Variants in SCMH1 observed in about 807,000 individuals in gnomAD.
SCMH1 encodes the protein Scm polycomb group protein homolog 1, also known as polycomb protein SCMH1.
Under a neutral mutation model 70.8 loss-of-function variants are expected in SCMH1, and 37 were observed. The observed-to-expected ratio is 0.52, with a 90% CI of 0.40 to 0.69. SCMH1 has a LOEUF of 0.69. Ranked by LOEUF, SCMH1 falls within the 30% of genes least tolerant of loss-of-function variation. SCMH1 has a pLI of 0.00. For missense variants in SCMH1, 607 were observed against 827.3 expected, an observed-to-expected ratio of 0.73 and a Z score of 3.27; for synonymous variants, 292 against 307.4, an observed-to-expected ratio of 0.95 and a Z score of 0.52.
chr1:41,195,499 T>C (rs1386211503), intron 1 of SCMH1, among the ~76,000 whole-genome samples: 1 of 151,096 alleles, frequency 6.6e-6, no homozygotes, highest in Non-Finnish European at 1.5e-5. Context: ...GAGAAAGCAT[T>C]TGACAAAATT....
intron 1 of SCMH1, among the ~76,000 whole-genome samples, chr1:41,209,743 A>G (rs1656533106): frequency 6.6e-6 from 1 of 152,208 alleles, no homozygotes; most frequent in African/African-American, 2.4e-5. Flanking sequence ...ATTTATGACA[A>G]ACCCACAGCC....
intron 4 of SCMH1, among the ~76,000 whole-genome samples, chr1:41,155,345 T>C (rs1302137123): frequency 6.6e-6 from 1 of 152,208 alleles, no homozygotes; most frequent in Non-Finnish European, 1.5e-5. Context: ...ACCTAGTATA[T>C]GTTAAGCCTG....
At chr1:41,050,045 C>T (rs570232476) in intron 10 of SCMH1, among the ~76,000 whole-genome samples, 1 of 151,888 alleles carries the variant, frequency 6.6e-6, no homozygotes, top group Non-Finnish European at 1.5e-5. Flanking sequence ...GACAGAGACT[C>T]CGTCTTTAAA....
At chr1:41,213,040 T>C (rs890893376) in intron 1 of SCMH1, among the ~76,000 whole-genome samples, 22 of 151,824 alleles carry the variant, frequency 1.4e-4, no homozygotes, top group Non-Finnish European at 3.1e-4. Context: ...CAAATAAGAG[T>C]GTAGGAACAC....
chr1:41,229,740 T>TAA (rs900990472), intron 1 of SCMH1, among the ~76,000 whole-genome samples: 1 of 149,272 alleles, frequency 6.7e-6, no homozygotes, highest in African/African-American at 2.5e-5. Context: ...AAAGTATAAT[T>TAA]AAAAAAAAAA....
chr1:41,079,647 T>C (rs1330794388), intron 8 of SCMH1, among the ~76,000 whole-genome samples: 1 of 152,080 alleles, frequency 6.6e-6, no homozygotes, highest in East Asian at 1.9e-4. Flanking sequence ...AAAATTGAGA[T>C]AAAATGTCAC....
intron 10 of SCMH1, among the ~76,000 whole-genome samples, chr1:41,064,166 C>A (rs1395149996): frequency 2.6e-5 from 4 of 152,028 alleles, no homozygotes; most frequent in Non-Finnish European, 4.4e-5. Context: ...TCGATAGATG[C>A]AGAAAAAGGA....
Position 41,028,547 on chromosome 1 carries a change from A to G in SCMH1, c.1821+37T>C, listed in dbSNP as rs200377184. 1.9e-5 allele frequency: 30 copies of G among 1,612,944 alleles called. No homozygotes were observed. In the African/African-American group the frequency reaches 3.5e-4, roughly 19 times the overall value. ...GTCCCCACCAGGTGAGGCTCTCCAC[A>G]CAGGTTCCTACTGAGAGGTCAGGCA... On this transcript the variant is annotated intron_variant, in intron 14 of 14. Coordinates refer to ENST00000337495, the Ensembl canonical transcript of SCMH1.
chr1:41,072,577 T>G (rs751223815), intron 9 of SCMH1, among the ~76,000 whole-genome samples: 1 of 152,086 alleles, frequency 6.6e-6, no homozygotes, highest in Non-Finnish European at 1.5e-5. Context: ...AAAAGAGATA[T>G]AAAGCCAGCC....
intron 2 of SCMH1, among the ~76,000 whole-genome samples, chr1:41,178,695 C>T (rs376547414): frequency 1.3e-5 from 2 of 152,172 alleles, no homozygotes; most frequent in African/African-American, 2.4e-5. Context: ...CTATCCTAAA[C>T]ATATATGCAC....
At chr1:41,042,516 G>C (rs1182068384) in intron 12 of SCMH1, among the ~76,000 whole-genome samples, 1 of 152,104 alleles carries the variant, frequency 6.6e-6, no homozygotes, top group African/African-American at 2.4e-5. Flanking sequence ...AAAGTGCTGG[G>C]ATTACAGGCA....
intron 10 of SCMH1, among the ~76,000 whole-genome samples, chr1:41,065,067 C>G (rs1450409624): frequency 1.3e-5 from 2 of 152,100 alleles, no homozygotes; most frequent in Non-Finnish European, 2.9e-5. Context: ...ACTAAGTAAA[C>G]AGATATTTTG....
chr1:41,104,103 G>A (rs775206485), intron 8 of SCMH1, among the ~76,000 whole-genome samples: 2 of 152,154 alleles, frequency 1.3e-5, no homozygotes, highest in Non-Finnish European at 2.9e-5. Flanking sequence ...TGATTCAGAT[G>A]CAACTAACGC....
chr1:41,176,076 G>C (rs1246254654), intron 2 of SCMH1, among the ~76,000 whole-genome samples: 2 of 150,930 alleles, frequency 1.3e-5, no homozygotes, highest in African/African-American at 4.9e-5. Flanking sequence ...ATAGAAACCA[G>C]GCTGAAAGAT....
At chr1:41,067,578 A>G (rs79654874) in intron 10 of SCMH1, among the ~76,000 whole-genome samples, 2,032 of 152,228 alleles carry the variant, frequency 0.013, 46 homozygotes, top group African/African-American at 0.047. Context: ...TATGATTTCA[A>G]CTATGTGACA....
chr1:41,148,122 A>C (rs1644748175), intron 5 of SCMH1, among the ~76,000 whole-genome samples: 1 of 152,124 alleles, frequency 6.6e-6, no homozygotes, highest in African/African-American at 2.4e-5. Flanking sequence ...ACCACAGTCT[A>C]CCTTATCAAG....
chr1:41,119,260 C>T (rs1296486919), intron 6 of SCMH1, among the ~76,000 whole-genome samples: 1 of 152,114 alleles, frequency 6.6e-6, no homozygotes, highest in Admixed American at 6.5e-5. Context: ...AGAGTTACCA[C>T]TCCATACTAT....
intron 8 of SCMH1, among the ~76,000 whole-genome samples, chr1:41,104,082 C>A (rs1355750202): frequency 6.6e-6 from 1 of 152,094 alleles, no homozygotes; most frequent in African/African-American, 2.4e-5. Context: ...TCTTGGGAGG[C>A]CTGGGGATCT....
chr1:41,107,457 A>G (rs1668235161), intron 8 of SCMH1, among the ~76,000 whole-genome samples: 1 of 151,864 alleles, frequency 6.6e-6, no homozygotes, highest in Non-Finnish European at 1.5e-5. Context: ...GAGACCTACA[A>G]GTTAGCCTTA....
Sources: gnomAD v4.1 joint callset for allele counts (sites outside exome capture counted in the v4.1 genomes callset) on GRCh38, gnomAD v4.1.1 for gene constraint, MANE v1.5 for transcripts, NCBI Gene and HGNC (gene_info 2026-07-23, HGNC 2026-07-21) for gene names.